PIP5K1A: variants seen among roughly 807,000 people sequenced by gnomAD.
The protein encoded by PIP5K1A is phosphatidylinositol 4-phosphate 5-kinase type-1 alpha.
PIP5K1A carries 46 observed loss-of-function variants against 72.9 expected under a neutral mutation model. The ratio of observed to expected loss-of-function variants is 0.63; its 90% CI spans 0.50 to 0.81. The LOEUF is 0.81. PIP5K1A is among the 30% of genes least tolerant of loss of function. The probability of loss-of-function intolerance (pLI) is 0.00; values close to 1 mark genes in which losing one functional copy is unlikely to be tolerated. For missense variants in PIP5K1A, 458 were observed against 706.1 expected, an observed-to-expected ratio of 0.65 and a Z score of 3.98; for synonymous variants, 228 against 255.1, an observed-to-expected ratio of 0.89 and a Z score of 1.01.
At chr1:151,215,578 C>T (rs976545517) in intron 1 of PIP5K1A, among the ~76,000 whole-genome samples, 3 of 151,532 alleles carry the variant, frequency 2.0e-5, no homozygotes, top group Non-Finnish European at 2.9e-5. Context: ...CAGGTGATCA[C>T]GCCTCCCAAA....
At chr1:151,198,132 C>T (rs745342771), upstream of PIP5K1A, 11 of 468,534 alleles carry the variant, frequency 2.3e-5, no homozygotes, top group Admixed American at 9.6e-5. Context: ...GACATGCACG[C>T]ACGTTTAATC....
Position 151,242,577 on chromosome 1 carries a change from T to C in PIP5K1A, c.1640+10T>C, listed in dbSNP as rs1691910569. On this transcript the variant is annotated intron_variant, in intron 14 of 15. Transcript: ENST00000368888. ...AAATGCTAACTACAAGGTTGGTTTA[T>C]TGGCCCCTTTCTCCATATAATCTTA... 1 of 1,611,722 alleles carries C rather than the reference T, an allele frequency of 6.2e-7. No homozygotes were observed. Among genetic ancestry groups the C allele is most frequent in the Non-Finnish European group, 8.5e-7 (1 of 1,177,988 alleles).
intron 1 of PIP5K1A, among the ~76,000 whole-genome samples, chr1:151,211,935 C>G (rs895693622): frequency 6.6e-6 from 1 of 151,656 alleles, no homozygotes; most frequent in African/African-American, 2.4e-5. Flanking sequence ...AACCCCGTCT[C>G]TACTAAAAAC....
At chr1:151,201,230 A>C (rs374313655) in intron 1 of PIP5K1A, among the ~76,000 whole-genome samples, 2 of 152,136 alleles carry the variant, frequency 1.3e-5, no homozygotes, top group African/African-American at 4.8e-5. Context: ...ATGGTCCATA[A>C]ACAAACTTCT....
intron 1 of PIP5K1A, among the ~76,000 whole-genome samples, chr1:151,208,464 G>C (rs587695341): frequency 6.7e-6 from 1 of 149,356 alleles, no homozygotes; most frequent in Non-Finnish European, 1.5e-5. Flanking sequence ...GCTTTCAAGC[G>C]ATTCCCCTGC....
At chr1:151,207,717 A>AAAT (rs1686135617) in intron 1 of PIP5K1A, among the ~76,000 whole-genome samples, 1 of 150,792 alleles carries the variant, frequency 6.6e-6, no homozygotes. Context: ...TTTTTAGCAG[A>AAAT]GTCAGGGTTT....
At chr1:151,225,656 G>C (rs1298204878) in intron 3 of PIP5K1A, among the ~76,000 whole-genome samples, 1 of 151,812 alleles carries the variant, frequency 6.6e-6, no homozygotes, top group Non-Finnish European at 1.5e-5. Context: ...TTTTAGTAGA[G>C]GCAGGGTTTC....
At chr1:151,242,913 G>A (rs373371495) in intron 14 of PIP5K1A, among the ~76,000 whole-genome samples, 24 of 152,196 alleles carry the variant, frequency 1.6e-4, no homozygotes, top group Non-Finnish European at 2.6e-4. Context: ...GCTGGCTGTT[G>A]TCTGGGGGCT....
chr1:151,236,843 T>TTTTTTTTTTTTC (rs1324594341), intron 9 of PIP5K1A, 80 bp downstream of exon 9: 1 of 940,242 alleles, frequency 1.1e-6, no homozygotes, highest in Non-Finnish European at 1.5e-6. Flanking sequence ...TTTTTTTTTT[T>TTTTTTTTTTTTC]AGTTTCACTC....
rs1449288957 is a variant in PIP5K1A at position 151,199,017 on chromosome 1, G to GC, written c.23dup (p.Ser9ValfsTer10). The GC allele has an allele frequency of 6.2e-7, 1 of 1,614,056 alleles. No homozygotes were observed. The highest frequency in any genetic ancestry group is 8.5e-7 in the Non-Finnish European group (1 of 1,180,048). ...CTAAGATGGCGTCGGCCTCCTCCGG[G>GC]CCGTCGTCTTCGGTCGGTTTTTCAT... On this transcript the variant is annotated frameshift_variant, in exon 1 of 16. Coordinates refer to ENST00000368888, the MANE Select transcript of PIP5K1A (RefSeq NM_001135638.2). LOFTEE classifies it high-confidence loss of function.
chr1:151,225,238 A>T (rs1476989143), intron 3 of PIP5K1A, among the ~76,000 whole-genome samples: 2 of 152,032 alleles, frequency 1.3e-5, no homozygotes, highest in African/African-American at 4.8e-5. Context: ...TGAGCCCAGG[A>T]GGTTGAGGCT....
Position 151,239,974 on chromosome 1 carries a change from G to T in PIP5K1A, c.1298G>T (p.Arg433Leu). ...VHDGDTVSVH[R>L]PGFYAERFQR... ...CTGCAGGACACTGTCTCAGTGCATC[G>T]CCCAGGCTTCTACGCTGAACGGTTC... Residue 433 changes from arginine (R) to leucine (L), a missense_variant, in exon 12 of 16, where the codon CGC becomes CTC. Arg to Leu is a moderately radical substitution (Grantham distance 102, BLOSUM62 -2). Coordinates refer to ENST00000368888, the MANE Select transcript of PIP5K1A (RefSeq NM_001135638.2). 6.2e-7 allele frequency: 1 copy of T among 1,612,324 alleles called. No individual in the cohort carries two copies. The highest frequency in any genetic ancestry group is 1.1e-5 in the South Asian group (1 of 91,002).
intron 10 of PIP5K1A, 110 bp from the exon 11 acceptor site, chr1:151,239,020 T>C: frequency 1.3e-6 from 1 of 744,736 alleles, no homozygotes; most frequent in Non-Finnish European, 2.3e-6. Flanking sequence ...CTTTCTCAGC[T>C]TCTGTCTTTT....
chr1:151,195,572 G>C (rs1006186558), upstream of PIP5K1A, among the ~76,000 whole-genome samples: 1 of 151,914 alleles, frequency 6.6e-6, no homozygotes, highest in Admixed American at 6.6e-5. Flanking sequence ...AATAGTACTT[G>C]ATGAAAATAA....
upstream of PIP5K1A, among the ~76,000 whole-genome samples, chr1:151,195,883 G>GTTTTTTTTTTTT (rs1558218879): frequency 2.0e-5 from 1 of 50,328 alleles, no homozygotes; most frequent in Non-Finnish European, 4.3e-5. Flanking sequence ...AACACCAGCC[G>GTTTTTTTTTTTT]ATTTTTTTTT....
chr1:151,232,309 C>T lies in PIP5K1A; in HGVS notation c.430C>T (p.Pro144Ser). 6.2e-7 allele frequency: 1 copy of T among 1,614,142 alleles called. No individual in the cohort carries two copies. The highest frequency in any genetic ancestry group is 8.5e-7 in the Non-Finnish European group (1 of 1,179,998). Reference protein sequence around the residue: ...YNDFRFKTYAPVAFRYFRELF... With the variant: ...YNDFRFKTYASVAFRYFRELF... ...TGACTTTCGTTTCAAGACCTATGCACCTGTTGCCTTCCGCTACTTCCGGGA... is the reference window on the plus strand; with the variant it reads ...TGACTTTCGTTTCAAGACCTATGCATCTGTTGCCTTCCGCTACTTCCGGGA... The change falls in exon 6 of 16, where the codon CCT becomes TCT. Residue 144 changes from proline (P) to serine (S), a missense_variant. Physicochemically the swap from Pro to Ser is moderately conservative, Grantham distance 74. This residue lies in a region of PIP5K1A where 220 missense variants were observed against 442.6 expected (regional missense o/e 0.50). Transcript: ENST00000368888.
rs1161286131 is a variant in PIP5K1A at position 151,242,423 on chromosome 1, C to T, written c.1511-15C>T. The T allele has an allele frequency of 1.2e-6, 2 of 1,613,790 alleles. No individual in the cohort carries two copies. The highest frequency in any genetic ancestry group is 2.7e-5 in the African/African-American group (2 of 74,832). On this transcript the variant is annotated splice_polypyrimidine_tract_variant and intron_variant, in intron 13 of 15. Transcript: ENST00000368888. ...TTGTATTTACTGTACCCCATCTTCT[C>T]TATCTTTTTTCCAGGCGTTCACCTT...
In PIP5K1A at chr1:151,242,471, A is replaced by G; in HGVS notation, c.1544A>G (p.Gln515Arg). 6.2e-7 allele frequency: 1 copy of G among 1,614,052 alleles called. No individual in the cohort carries two copies. Among genetic ancestry groups the G allele is most frequent in the Non-Finnish European group, 8.5e-7 (1 of 1,179,928 alleles). Residue 515 changes from glutamine (Q) to arginine (R), a missense_variant, in exon 14 of 16, where the codon CAG (glutamine) becomes CGG (arginine). Coordinates refer to ENST00000368888, the MANE Select transcript of PIP5K1A (RefSeq NM_001135638.2). ...CTTGGTCGTCCTGATGTTTTACCTC[A>G]GACTCCACCTTTGGAGGAAATCAGT... ...VHLGRPDVLP[Q>R]TPPLEEISEG... is the part of the protein sequence containing the mutation.
chr1:151,215,622 G>A (rs946261039), intron 1 of PIP5K1A, among the ~76,000 whole-genome samples: 1 of 152,056 alleles, frequency 6.6e-6, no homozygotes, highest in African/African-American at 2.4e-5. Context: ...CTCTGCGCCC[G>A]GCATTCTTTT....
Sources: allele counts gnomAD v4.1 joint callset (sites outside exome capture counted in the v4.1 genomes callset), GRCh38; gene constraint gnomAD v4.1.1; regional missense constraint gnomAD v4.1.1; transcripts MANE v1.5; gene names NCBI Gene and HGNC (gene_info 2026-07-23, HGNC 2026-07-21).